Variants in HECW1 observed in about 807,000 individuals in gnomAD.
HECW1 encodes E3 ubiquitin-protein ligase HECW1.
In HECW1, 61 loss-of-function variants were observed where a neutral mutation model predicts 182.3. The observed-to-expected ratio is 0.33, with a 90% CI of 0.27 to 0.41. The LOEUF (loss-of-function observed/expected upper bound fraction) is 0.41. HECW1 is among the 10% of genes least tolerant of loss of function. HECW1 has a pLI of 1.00. For synonymous variants in HECW1, 859 were observed against 832.6 expected (o/e 1.03, Z -0.55); for missense variants, 1,739 against 2,108.9 (o/e 0.82, Z 3.44).
intron 4 of HECW1, among the ~76,000 whole-genome samples, chr7:43,319,775 A>ATTTT (rs10604163): frequency 9.5e-6 from 1 of 105,532 alleles, no homozygotes; most frequent in Non-Finnish European, 1.7e-5. Context: ...AATTTTTGTA[A>ATTTT]TTTTTTTTTT....
chr7:43,172,671 C>A (rs1447481926), intron 2 of HECW1, among the ~76,000 whole-genome samples: 2 of 152,108 alleles, frequency 1.3e-5, no homozygotes, highest in East Asian at 3.9e-4. Flanking sequence ...TGTCCCTTCC[C>A]CAGAACTCAG....
rs141786094 is a variant in HECW1 at position 43,408,974 on chromosome 7, C to T, written c.801+1243C>T. Among the ~76,000 whole-genome samples the T allele has an allele frequency of 3.5e-3, 526 of 152,314 alleles. 2 individuals are homozygous for T. Among genetic ancestry groups the T allele is most frequent in the African/African-American group, 0.012 (504 of 41,562 alleles). ...CCTATTATTGATGGAAACGTGCTCC[C>T]ACCAAAGGAACTTGCTTTGGAGAGG... is the stretch of plus-strand genomic sequence containing the variant. On this transcript the variant is annotated intron_variant, in intron 8 of 29. Coordinates refer to ENST00000395891, the MANE Select transcript of HECW1 (RefSeq NM_015052.5).
chr7:43,336,320 C>T (rs1209841892), intron 5 of HECW1, among the ~76,000 whole-genome samples: 1 of 151,702 alleles, frequency 6.6e-6, no homozygotes. Flanking sequence ...CACACACCAC[C>T]ATGCCCAGCT....
At chr7:43,355,805 A>G (rs1815052976) in intron 5 of HECW1, among the ~76,000 whole-genome samples, 1 of 152,112 alleles carries the variant, frequency 6.6e-6, no homozygotes, top group Non-Finnish European at 1.5e-5. Context: ...CCTGGCCAAC[A>G]TGGTGAAACC....
intron 3 of HECW1, among the ~76,000 whole-genome samples, chr7:43,295,966 C>T (rs991604390): frequency 1.3e-5 from 2 of 152,072 alleles, no homozygotes; most frequent in Non-Finnish European, 2.9e-5. Flanking sequence ...TTCATTGGCC[C>T]ATGGTCATGC....
intron 29 of HECW1, among the ~76,000 whole-genome samples, chr7:43,558,998 C>A (rs890923185): frequency 1.3e-5 from 2 of 152,198 alleles, no homozygotes; most frequent in Non-Finnish European, 1.5e-5. Flanking sequence ...AGGGAAGACA[C>A]AACTTACATA....
At chr7:43,155,323 G>A (rs986370255) in intron 2 of HECW1, among the ~76,000 whole-genome samples, 1 of 152,038 alleles carries the variant, frequency 6.6e-6, no homozygotes, top group Non-Finnish European at 1.5e-5. Context: ...AATAAACAGA[G>A]AATATACCAA....
intron 6 of HECW1, among the ~76,000 whole-genome samples, chr7:43,366,094 C>T (rs1346268209): frequency 6.7e-6 from 1 of 149,584 alleles, no homozygotes; most frequent in Non-Finnish European, 1.5e-5. Context: ...CAGAGCAAGA[C>T]TGTCTCACAA....
intron 3 of HECW1, 125 bp from the exon 4 acceptor site, chr7:43,311,638 A>G (rs1016979001): frequency 1.1e-6 from 1 of 874,370 alleles, no homozygotes; most frequent in Admixed American, 1.7e-5. Flanking sequence ...CATGTTTCAT[A>G]TCTGCCCAGC....
chr7:43,164,474 G>A (rs948576375), intron 2 of HECW1, among the ~76,000 whole-genome samples: 23 of 152,186 alleles, frequency 1.5e-4, no homozygotes, highest in Admixed American at 6.5e-5. Context: ...CCTCTGGATC[G>A]AGCCTTGAGT....
intron 29 of HECW1, among the ~76,000 whole-genome samples, chr7:43,555,995 A>C (rs150271233): frequency 1.3e-5 from 2 of 152,356 alleles, no homozygotes; most frequent in East Asian, 1.9e-4. Flanking sequence ...TGATGATAGC[A>C]TGCAGCTTGA....
intron 24 of HECW1, among the ~76,000 whole-genome samples, chr7:43,513,093 G>T (rs950240195): frequency 7.2e-5 from 11 of 151,896 alleles, no homozygotes; most frequent in African/African-American, 2.4e-4. Context: ...CCGACCACTG[G>T]GTGCATAAAT....
At chr7:43,404,759 C>T (rs2075546804) in intron 7 of HECW1, among the ~76,000 whole-genome samples, 1 of 152,026 alleles carries the variant, frequency 6.6e-6, no homozygotes, top group African/African-American at 2.4e-5. Flanking sequence ...GTAGATCACC[C>T]TACGTCAAGA....
intron 2 of HECW1, among the ~76,000 whole-genome samples, chr7:43,189,038 C>T (rs918365157): frequency 6.6e-6 from 1 of 152,192 alleles, no homozygotes; most frequent in Non-Finnish European, 1.5e-5. Flanking sequence ...GCTAATCTTA[C>T]ACTCGTTCGC....
chr7:43,214,153 T>A (rs1261630091), intron 2 of HECW1, among the ~76,000 whole-genome samples: 1 of 151,980 alleles, frequency 6.6e-6, no homozygotes, highest in Non-Finnish European at 1.5e-5. Context: ...TTTTCTAGTT[T>A]TTCATATATA....
chr7:43,463,456 A>C (rs2077655781), intron 13 of HECW1, among the ~76,000 whole-genome samples: 1 of 152,206 alleles, frequency 6.6e-6, no homozygotes, highest in African/African-American at 2.4e-5. Context: ...AACTCATCAT[A>C]GCTTGCAAAA....
chr7:43,494,506 A>G (rs1489201754), intron 19 of HECW1, among the ~76,000 whole-genome samples: 2 of 145,350 alleles, frequency 1.4e-5, no homozygotes, highest in East Asian at 4.0e-4. Flanking sequence ...TAAAGTCAAG[A>G]TTTTTTTTTT....
chr7:43,138,050 G>A (rs957731917), intron 2 of HECW1, among the ~76,000 whole-genome samples: 1 of 151,606 alleles, frequency 6.6e-6, no homozygotes, highest in Admixed American at 6.6e-5. Context: ...TCTCATTTAT[G>A]TGTGTGATTC....
At chr7:43,229,394 T>C (rs1298792294) in intron 2 of HECW1, among the ~76,000 whole-genome samples, 3 of 152,060 alleles carry the variant, frequency 2.0e-5, no homozygotes, top group Non-Finnish European at 4.4e-5. Flanking sequence ...AAAGACAGCA[T>C]GTTCTCACTT....
Sources: gnomAD v4.1 joint callset for allele counts (sites outside exome capture counted in the v4.1 genomes callset) on GRCh38, gnomAD v4.1.1 for gene constraint, MANE v1.5 for transcripts, NCBI Gene and HGNC (gene_info 2026-07-23, HGNC 2026-07-21) for gene names.